The following RYR2 variants were observed in gnomAD, a reference collection of about 807,000 sequenced individuals.
RYR2 encodes ryanodine receptor 2, also known as cardiac muscle ryanodine receptor-calcium release channel.
RYR2 carries 227 observed loss-of-function variants against 601.1 expected under a neutral mutation model. That is an observed-to-expected ratio of 0.38 (90% CI 0.34 to 0.42). The LOEUF (loss-of-function observed/expected upper bound fraction) is 0.42. RYR2 is among the 10% of genes least tolerant of loss of function. The probability of loss-of-function intolerance (pLI) is 1.00; values close to 1 mark genes in which losing one functional copy is unlikely to be tolerated. For missense variants in RYR2, 4,646 were observed against 6,156.5 expected, an observed-to-expected ratio of 0.75 and a Z score of 8.21; for synonymous variants, 2,223 against 2,175.1, an observed-to-expected ratio of 1.02 and a Z score of -0.61.
intron 1 of RYR2, among the ~76,000 whole-genome samples, chr1:237,110,034 C>A (rs747642369): frequency 2.0e-5 from 3 of 152,170 alleles, no homozygotes; most frequent in Non-Finnish European, 4.4e-5. Flanking sequence ...CACTTTCTAA[C>A]CGTGGAAATG....
intron 24 of RYR2, among the ~76,000 whole-genome samples, chr1:237,522,943 C>A (rs2147873712): frequency 6.6e-6 from 1 of 152,110 alleles, no homozygotes; most frequent in East Asian, 1.9e-4. Flanking sequence ...ATCAGCTTTG[C>A]AGTTCCAACT....
Position 237,081,504 on chromosome 1 carries a change from A to AC in RYR2, c.48+38941dup, listed in dbSNP as rs886372646. Among the ~76,000 whole-genome samples the AC allele has an allele frequency of 1.2e-4, 10 of 82,572 alleles. No individual in the cohort carries two copies. The East Asian group carries it at 2.5e-3, about 21-fold the overall frequency. The allele number at this position is 82,572 out of a possible 152,430, so 54.2% of individuals were successfully genotyped here. On this transcript the variant is annotated intron_variant, in intron 1 of 104. Coordinates refer to ENST00000366574, the MANE Select transcript of RYR2 (RefSeq NM_001035.3). ...TATATGTATATACATATATAAATAC[A>AC]CCCCCCACATATATATATATATATA...
intron 1 of RYR2, among the ~76,000 whole-genome samples, chr1:237,105,542 C>CAAA (rs1369758875): frequency 6.6e-6 from 1 of 151,890 alleles, no homozygotes; most frequent in Non-Finnish European, 1.5e-5. Context: ...ACTAAAAATA[C>CAAA]AAAAATTAGC....
chr1:237,594,906 T>TG (rs1675688492), intron 33 of RYR2, among the ~76,000 whole-genome samples: 1 of 51,100 alleles, frequency 2.0e-5, no homozygotes, highest in African/African-American at 4.4e-5. Context: ...TTTTTTTTTT[T>TG]TTTTTTTTTT....
Position 237,481,493 on chromosome 1 carries a change from C to T in RYR2, c.1709-10313C>T, listed in dbSNP as rs573096233. 2.6e-4 allele frequency among the ~76,000 whole-genome samples: 40 copies of T among 152,294 alleles called. 1 individual carries two copies. The South Asian group carries it at 8.1e-3, about 31-fold the overall frequency. On this transcript the variant is annotated intron_variant, in intron 17 of 104. Coordinates refer to ENST00000366574, the MANE Select transcript of RYR2 (RefSeq NM_001035.3). ...CTATATATTGACTCATCATTCAACT[C>T]TTGCTATTTGTTTTGGGTAGACCCA...
At chr1:237,324,655 G>A (rs530721713) in intron 2 of RYR2, among the ~76,000 whole-genome samples, 6 of 152,032 alleles carry the variant, frequency 3.9e-5, no homozygotes, top group Admixed American at 6.6e-5. Context: ...CTTTGAAGTC[G>A]GATAAGTATT....
At chr1:237,672,487 TA>T (rs1033710170) in intron 58 of RYR2, among the ~76,000 whole-genome samples, 1 of 152,206 alleles carries the variant, frequency 6.6e-6, no homozygotes, top group African/African-American at 2.4e-5. Context: ...AACTGATACA[TA>T]ATTGTCTATA....
chr1:237,314,181 C>T (rs1694876830), intron 2 of RYR2, among the ~76,000 whole-genome samples: 1 of 151,048 alleles, frequency 6.6e-6, no homozygotes, highest in Non-Finnish European at 1.5e-5. Context: ...TCTCCTGCCT[C>T]AGCCTCCCGA....
intron 1 of RYR2, among the ~76,000 whole-genome samples, chr1:237,070,759 C>G (rs1188739706): frequency 6.6e-6 from 1 of 152,204 alleles, no homozygotes; most frequent in African/African-American, 2.4e-5. Flanking sequence ...GCTCCAGGTG[C>G]TGGCACAGGT....
intron 79 of RYR2, among the ~76,000 whole-genome samples, chr1:237,737,629 T>G (rs771474196): frequency 2.0e-5 from 3 of 152,232 alleles, no homozygotes; most frequent in Non-Finnish European, 2.9e-5. Context: ...GCTGAAATCT[T>G]TCTAACATTT....
chr1:237,789,094 A>G (rs1658028096), intron 92 of RYR2, among the ~76,000 whole-genome samples: 2 of 152,046 alleles, frequency 1.3e-5, no homozygotes, highest in South Asian at 4.1e-4. Context: ...GGAAAAGGAT[A>G]GGGGATAAGC....
chr1:237,810,725 C>T (rs558942839), intron 100 of RYR2, among the ~76,000 whole-genome samples: 1 of 152,170 alleles, frequency 6.6e-6, no homozygotes, highest in South Asian at 2.1e-4. Context: ...CTGATTAAGT[C>T]AGTTACGATA....
intron 47 of RYR2, 47 bp from the exon 48 acceptor site, chr1:237,643,280 C>T: frequency 6.3e-7 from 1 of 1,598,234 alleles, no homozygotes; most frequent in Non-Finnish European, 8.5e-7. Context: ...AGAATTGTAA[C>T]ATTGATGTCA....
At chr1:237,193,871 C>G (rs1282917733) in intron 1 of RYR2, among the ~76,000 whole-genome samples, 1 of 152,060 alleles carries the variant, frequency 6.6e-6, no homozygotes, top group African/African-American at 2.4e-5. Context: ...ACTTTTTTTC[C>G]TCACTGCATT....
Position 237,700,372 on chromosome 1 carries a change from C to T in RYR2, c.9272C>T (p.Thr3091Ile), listed in dbSNP as rs1687860934. ...THTRNQPKGV[T>I]QIINYTTVAL... ...ACCCGAAACCAGCCCAAAGGGGTTA[C>T]TCAGATTATCAATTACACCACAGTG... is the stretch of plus-strand genomic sequence containing the variant. Residue 3091 changes from threonine (T) to isoleucine (I), a missense_variant, in exon 65 of 105, where the codon ACT becomes ATT. By Grantham distance (89) the Thr-to-Ile change is moderately conservative. This residue lies in a region of RYR2 where 1,497 missense variants were observed against 1,842.6 expected (regional missense o/e 0.81). Coordinates refer to ENST00000366574, the MANE Select transcript of RYR2 (RefSeq NM_001035.3). 6.2e-7 allele frequency: 1 copy of T among 1,606,508 alleles called. No homozygotes were observed. The highest frequency in any genetic ancestry group is 8.5e-7 in the Non-Finnish European group (1 of 1,176,262).
chr1:237,595,699 C>A, intron 34 of RYR2, 42 bp downstream of exon 34: 1 of 1,552,866 alleles, frequency 6.4e-7, no homozygotes, highest in Non-Finnish European at 8.7e-7. Flanking sequence ...GGGAGGAAGA[C>A]TTCTTTCCCC....
intron 98 of RYR2, among the ~76,000 whole-genome samples, chr1:237,804,013 G>A (rs16835838): frequency 0.49 from 75,037 of 152,018 alleles, 19,868 homozygotes; most frequent in Non-Finnish European, 0.58. Flanking sequence ...GGGGCTAAAC[G>A]TGCCTATTCA....
chr1:237,158,712 G>T (rs1361116), intron 1 of RYR2, among the ~76,000 whole-genome samples: 87,209 of 151,976 alleles, frequency 0.57, 25,861 homozygotes, highest in Non-Finnish European at 0.65. Context: ...CAAGAATCAC[G>T]TCCAGGTTTC....
chr1:237,451,008 C>CAT (rs1007525906), intron 14 of RYR2, among the ~76,000 whole-genome samples: 26 of 150,686 alleles, frequency 1.7e-4, no homozygotes, highest in South Asian at 1.3e-3. Flanking sequence ...ATTTATATTG[C>CAT]ATATATATAT....
Sources: gnomAD v4.1 joint callset for allele counts (sites outside exome capture counted in the v4.1 genomes callset) on GRCh38, gnomAD v4.1.1 for gene constraint, gnomAD v4.1.1 regional missense constraint, MANE v1.5 for transcripts, NCBI Gene and HGNC (gene_info 2026-07-23, HGNC 2026-07-21) for gene names.